Variants in CSMD1 observed in about 807,000 individuals in gnomAD.
CSMD1 encodes CUB and sushi domain-containing protein 1.
In CSMD1, 213 loss-of-function variants were observed where a neutral mutation model predicts 417.5. That is an observed-to-expected ratio of 0.51 (90% CI 0.46 to 0.57). CSMD1 has a LOEUF of 0.57. Among genes scored for constraint, CSMD1 ranks in the 20% least tolerant of loss-of-function variants. CSMD1 has a pLI of 0.00. For missense variants in CSMD1, 6,923 were observed against 4,529.7 expected, an observed-to-expected ratio of 1.53 and a Z score of -15.17; for synonymous variants, 2,862 against 1,736.8, an observed-to-expected ratio of 1.65 and a Z score of -16.11.
intron 1 of CSMD1, among the ~76,000 whole-genome samples, chr8:4,957,058 A>G (rs984587663): frequency 6.6e-6 from 1 of 152,244 alleles, no homozygotes. Flanking sequence ...AAACACATTA[A>G]TTTGAGACTG....
intron 2 of CSMD1, among the ~76,000 whole-genome samples, chr8:4,469,444 G>A (rs1403643265): frequency 6.6e-6 from 1 of 152,200 alleles, no homozygotes; most frequent in Non-Finnish European, 1.5e-5. Context: ...ACTGCAAATT[G>A]TGTTATTGGC....
At chr8:4,244,998 C>A (rs1018608402) in intron 3 of CSMD1, among the ~76,000 whole-genome samples, 1 of 152,122 alleles carries the variant, frequency 6.6e-6, no homozygotes, top group Non-Finnish European at 1.5e-5. Context: ...AATCGACAAA[C>A]ATCAAAAAGA....
intron 2 of CSMD1, among the ~76,000 whole-genome samples, chr8:4,552,244 T>G (rs1002097062): frequency 2.6e-5 from 4 of 152,174 alleles, no homozygotes; most frequent in Admixed American, 2.6e-4. Context: ...TCAAGGTTAG[T>G]AACTCATCTG....
At chr8:4,018,866 C>G (rs1796649319) in intron 4 of CSMD1, among the ~76,000 whole-genome samples, 2 of 152,140 alleles carry the variant, frequency 1.3e-5, no homozygotes, top group African/African-American at 4.8e-5. Flanking sequence ...GGAGTCTCAT[C>G]TAAACCAGAG....
chr8:4,317,313 G>A (rs189428751), intron 3 of CSMD1, among the ~76,000 whole-genome samples: 3 of 152,258 alleles, frequency 2.0e-5, no homozygotes, highest in Middle Eastern at 6.8e-3. Flanking sequence ...TAAATTTCCT[G>A]CTTGCTAACG....
chr8:3,139,901 CTTTCTTTTTTTT>C (rs1170137988), intron 41 of CSMD1, among the ~76,000 whole-genome samples: 1 of 131,332 alleles, frequency 7.6e-6, no homozygotes, highest in Non-Finnish European at 1.6e-5. Context: ...TCTTTTCTTT[CTTTCTTTTTTTT>C]TTTTTTTTAG....
At chr8:4,858,568 C>T (rs1801943214) in intron 1 of CSMD1, among the ~76,000 whole-genome samples, 1 of 152,190 alleles carries the variant, frequency 6.6e-6, no homozygotes, top group Non-Finnish European at 1.5e-5. Flanking sequence ...TCGGCAAAGT[C>T]TCAGGATGCA....
At chr8:3,145,650 G>A (rs1040995377) in intron 40 of CSMD1, among the ~76,000 whole-genome samples, 1 of 152,168 alleles carries the variant, frequency 6.6e-6, no homozygotes, top group Non-Finnish European at 1.5e-5. Context: ...CTCTAATCTG[G>A]CTTAAAATAG....
chr8:3,569,958 T>C (rs565657749), intron 10 of CSMD1, among the ~76,000 whole-genome samples: 21 of 152,324 alleles, frequency 1.4e-4, no homozygotes, highest in African/African-American at 4.8e-4. Flanking sequence ...AACTGAAATT[T>C]AATGTGTTAA....
At chr8:4,632,327 A>C (rs1802568423) in intron 2 of CSMD1, among the ~76,000 whole-genome samples, 3 of 152,328 alleles carry the variant, frequency 2.0e-5, no homozygotes, top group Admixed American at 2.0e-4. Context: ...AGCCTGGCCA[A>C]CATGGTGAAA....
At chr8:3,604,670 G>A (rs1009187634) in intron 8 of CSMD1, among the ~76,000 whole-genome samples, 1 of 152,178 alleles carries the variant, frequency 6.6e-6, no homozygotes, top group Non-Finnish European at 1.5e-5. Context: ...TACAGGAGGG[G>A]AAGAGCTAGA....
At chr8:4,312,484 T>C (rs1434908572) in intron 3 of CSMD1, among the ~76,000 whole-genome samples, 1 of 149,900 alleles carries the variant, frequency 6.7e-6, no homozygotes, top group Non-Finnish European at 1.5e-5. Flanking sequence ...TATATACACA[T>C]ATAGAACTCT....
rs564726104 is a variant in CSMD1, at chr8:4,382,295, C to T, written c.415+37658G>A. ...CACTGGGGCTTATTGAGTTCTTTAT[C>T]CAGAAAAAAGAGAGGAGTTATATGT... On this transcript the variant is annotated intron_variant, in intron 3 of 69. Transcript: ENST00000635120. Among the ~76,000 whole-genome samples, 7 of 152,194 alleles carry T rather than the reference C, an allele frequency of 4.6e-5. No individual in the cohort carries two copies. In the South Asian group the frequency reaches 1.5e-3, roughly 32 times the overall value.
intron 4 of CSMD1, among the ~76,000 whole-genome samples, chr8:4,006,670 T>A (rs116031290): frequency 6.6e-6 from 1 of 152,236 alleles, no homozygotes; most frequent in Non-Finnish European, 1.5e-5. Context: ...GTCCTTTTCC[T>A]TTTAATCTGC....
At chr8:4,361,456 G>A (rs531168950) in intron 3 of CSMD1, among the ~76,000 whole-genome samples, 4 of 149,398 alleles carry the variant, frequency 2.7e-5, no homozygotes, top group Admixed American at 6.6e-5. Context: ...CTTCATTACA[G>A]CCTAATAAGG....
intron 18 of CSMD1, among the ~76,000 whole-genome samples, chr8:3,376,794 T>C (rs1810335461): frequency 2.5e-5 from 1 of 39,536 alleles, no homozygotes; most frequent in South Asian, 5.5e-4. Flanking sequence ...ATTATAATTA[T>C]TTTTTTTTCT....
intron 3 of CSMD1, among the ~76,000 whole-genome samples, chr8:4,308,420 G>T (rs1798371005): frequency 6.8e-6 from 1 of 146,416 alleles, no homozygotes. Context: ...TGTGTTATGT[G>T]GAAAGTCTGA....
intron 3 of CSMD1, among the ~76,000 whole-genome samples, chr8:4,228,956 T>A (rs914984771): frequency 6.6e-6 from 1 of 152,108 alleles, no homozygotes; most frequent in Non-Finnish European, 1.5e-5. Context: ...AGTGAGCCAC[T>A]GAGCCAAGCC....
At chr8:3,274,818 G>C (rs1262672493) in intron 26 of CSMD1, among the ~76,000 whole-genome samples, 1 of 152,096 alleles carries the variant, frequency 6.6e-6, no homozygotes, top group African/African-American at 2.4e-5. Flanking sequence ...GAGCCTATGT[G>C]TGTCTGTACC....
Sources: gnomAD v4.1 joint callset for allele counts (sites outside exome capture counted in the v4.1 genomes callset) on GRCh38, gnomAD v4.1.1 for gene constraint, MANE v1.5 for transcripts, NCBI Gene and HGNC (gene_info 2026-07-23, HGNC 2026-07-21) for gene names.